Variants in NELL1 observed in about 807,000 individuals in gnomAD.
NELL1 encodes the protein neural EGFL like 1.
In NELL1, 76 loss-of-function variants were observed where a neutral mutation model predicts 107.4. That is an observed-to-expected ratio of 0.71 (90% confidence interval 0.59 to 0.86). The LOEUF is 0.86. Among genes scored for constraint, NELL1 ranks in the 40% least tolerant of loss-of-function variants. The pLI, the probability that NELL1 is intolerant of heterozygous loss-of-function variation, is 0.00. For missense variants in NELL1, 1,024 were observed against 1,005.5 expected, an observed-to-expected ratio of 1.02 and a Z score of -0.25; for synonymous variants, 353 against 341.2, an observed-to-expected ratio of 1.03 and a Z score of -0.38.
chr11:21,323,290 T>C (rs773550075), intron 14 of NELL1, among the ~76,000 whole-genome samples: 21 of 152,134 alleles, frequency 1.4e-4, no homozygotes, highest in African/African-American at 1.9e-4. Context: ...GACAGAACAG[T>C]GTGTTTAAAG....
chr11:21,114,219 A>T (rs146457407), intron 13 of NELL1, among the ~76,000 whole-genome samples: 1 of 151,974 alleles, frequency 6.6e-6, no homozygotes, highest in Non-Finnish European at 1.5e-5. Flanking sequence ...ACCTCTTTCT[A>T]TATCCCTTAG....
At chr11:21,159,804 A>T (rs1238099778) in intron 13 of NELL1, among the ~76,000 whole-genome samples, 2 of 152,188 alleles carry the variant, frequency 1.3e-5, no homozygotes, top group Admixed American at 1.3e-4. Context: ...AGTCAAACAC[A>T]CCACCCACTA....
At chr11:21,204,413 C>T (rs1423181368) in intron 13 of NELL1, among the ~76,000 whole-genome samples, 1 of 151,746 alleles carries the variant, frequency 6.6e-6, no homozygotes, top group Admixed American at 6.6e-5. Flanking sequence ...GCTATTGATA[C>T]CAATGTATGC....
chr11:21,486,444 C>T (rs1157609543), intron 15 of NELL1, among the ~76,000 whole-genome samples: 1 of 152,162 alleles, frequency 6.6e-6, no homozygotes, highest in Non-Finnish European at 1.5e-5. Context: ...AAGGCCCCAC[C>T]CACCAACAAC....
chr11:20,933,714 C>T (rs75961186), intron 9 of NELL1, among the ~76,000 whole-genome samples: 3,787 of 152,270 alleles, frequency 0.025, 167 homozygotes, highest in African/African-American at 0.087. Context: ...CTTGTATCCA[C>T]ATCTGACAGG....
chr11:21,324,108 G>C (rs1850073760), intron 14 of NELL1, among the ~76,000 whole-genome samples: 1 of 152,114 alleles, frequency 6.6e-6, no homozygotes, highest in Admixed American at 6.6e-5. Context: ...CCATGTGCCA[G>C]TCATGGTGCT....
At chr11:21,201,354 T>A (rs1188496712) in intron 13 of NELL1, among the ~76,000 whole-genome samples, 1 of 152,316 alleles carries the variant, frequency 6.6e-6, no homozygotes, top group Non-Finnish European at 1.5e-5. Flanking sequence ...ACATCTCTTG[T>A]AAGTTGTATT....
At chr11:20,853,053 T>C (rs1448124776) in intron 4 of NELL1, among the ~76,000 whole-genome samples, 2 of 152,214 alleles carry the variant, frequency 1.3e-5, no homozygotes, top group Non-Finnish European at 2.9e-5. Flanking sequence ...TGACAATCTC[T>C]ACAGCTTTAT....
chr11:20,719,759 CTGTT>C (rs1855335945), intron 2 of NELL1, among the ~76,000 whole-genome samples: 1 of 152,176 alleles, frequency 6.6e-6, no homozygotes, highest in Admixed American at 6.5e-5. Context: ...GATAGTGTGA[CTGTT>C]TGGCTATGAA....
chr11:20,713,972 G>A (rs1423644660), intron 2 of NELL1, among the ~76,000 whole-genome samples: 1 of 152,042 alleles, frequency 6.6e-6, no homozygotes, highest in Non-Finnish European at 1.5e-5. Flanking sequence ...TTTGGAGGCC[G>A]GTTTTTCCCC....
At chr11:21,084,403 T>C (rs1854340533) in intron 12 of NELL1, among the ~76,000 whole-genome samples, 1 of 152,240 alleles carries the variant, frequency 6.6e-6, no homozygotes, top group Non-Finnish European at 1.5e-5. Context: ...TGATTGCTGA[T>C]AGCATAAAAT....
intron 13 of NELL1, among the ~76,000 whole-genome samples, chr11:21,195,664 ATAT>A (rs1158987320): frequency 6.6e-6 from 1 of 152,026 alleles, no homozygotes; most frequent in Non-Finnish European, 1.5e-5. Flanking sequence ...GTCAGTATAA[ATAT>A]TATTAATGAG....
intron 3 of NELL1, among the ~76,000 whole-genome samples, chr11:20,786,582 C>A (rs893828584): frequency 2.0e-5 from 3 of 151,940 alleles, no homozygotes; most frequent in African/African-American, 7.2e-5. Flanking sequence ...TTACTGGGGG[C>A]AAATCCATAT....
At chr11:21,167,145 G>C (rs1435793083) in intron 13 of NELL1, among the ~76,000 whole-genome samples, 1 of 151,784 alleles carries the variant, frequency 6.6e-6, no homozygotes, top group African/African-American at 2.4e-5. Flanking sequence ...AATATTATCA[G>C]GACCAGCATT....
rs369780186 is a variant in NELL1 at position 21,322,841 on chromosome 11, T to G, written c.1550-48012T>G. 2.6e-5 allele frequency among the ~76,000 whole-genome samples: 4 copies of G among 152,164 alleles called. No individual in the cohort carries two copies. In the East Asian group the frequency reaches 5.8e-4, roughly 22 times the overall value. On this transcript the variant is annotated intron_variant, in intron 14 of 19. Transcript: ENST00000357134. ...GCAAATGCCCCATTGCCCTCTGGGGTGTTCATTCCTCCCTCTTTGACTAGG... is the reference window on the plus strand; with the variant it reads ...GCAAATGCCCCATTGCCCTCTGGGGGGTTCATTCCTCCCTCTTTGACTAGG...
chr11:21,098,511 C>A, intron 12 of NELL1, among the ~76,000 whole-genome samples: 1 of 152,062 alleles, frequency 6.6e-6, no homozygotes, highest in Non-Finnish European at 1.5e-5. Context: ...CACTCTCACC[C>A]TCAGAAACTC....
At chr11:20,926,348 C>G (rs1339229741) in intron 7 of NELL1, among the ~76,000 whole-genome samples, 1 of 152,008 alleles carries the variant, frequency 6.6e-6, no homozygotes, top group Non-Finnish European at 1.5e-5. Context: ...TTAAGGGAAC[C>G]TGGTGGTGCC....
chr11:20,906,153 C>T lies in NELL1; in HGVS notation c.604-12029C>T, dbSNP rs144760278. 4.6e-5 allele frequency among the ~76,000 whole-genome samples: 7 copies of T among 152,152 alleles called. No homozygotes were observed. The South Asian group carries it at 1.5e-3, about 32-fold the overall frequency. ...TGTCATATTTAAAGTAGGGTCATTA[C>T]TACTGACCTTACAGAAATTAAAAGG... On this transcript the variant is annotated intron_variant, in intron 5 of 19. Coordinates refer to ENST00000357134, the MANE Select transcript of NELL1 (RefSeq NM_006157.5).
rs1294653747 is a variant in NELL1, at chr11:20,872,013, C to T, written c.507-13431C>T. Among the ~76,000 whole-genome samples, 12 of 87,346 alleles carry T rather than the reference C, an allele frequency of 1.4e-4. No homozygotes were observed. The South Asian group carries it at 6.4e-3, about 46-fold the overall frequency. The allele number at this position is 87,346 out of a possible 152,430, so 57.3% of individuals were successfully genotyped here. On this transcript the variant is annotated intron_variant, in intron 4 of 19. Coordinates refer to ENST00000357134, the MANE Select transcript of NELL1 (RefSeq NM_006157.5). ...CAGCCTGGGCGACAGAGAAAGACTC[C>T]GTCTCAAAAAAAAAAAAAAAAAAAA... is the stretch of plus-strand genomic sequence containing the variant.
Sources: allele counts gnomAD v4.1 joint callset (sites outside exome capture counted in the v4.1 genomes callset), GRCh38; gene constraint gnomAD v4.1.1; transcripts MANE v1.5; gene names NCBI Gene and HGNC (gene_info 2026-07-23, HGNC 2026-07-21).